ATXN7: variants seen among roughly 807,000 people sequenced by gnomAD.
The protein encoded by ATXN7 is ataxin 7.
ATXN7 carries 12 observed loss-of-function variants against 70.5 expected under a neutral mutation model. The observed-to-expected ratio is 0.17, with a 90% CI of 0.11 to 0.28. ATXN7 has a LOEUF of 0.28. Ranked by LOEUF, ATXN7 falls within the 10% of genes least tolerant of loss-of-function variation. The probability of loss-of-function intolerance (pLI) is 1.00; values close to 1 mark genes in which losing one functional copy is unlikely to be tolerated. For missense variants in ATXN7, 1,256 were observed against 1,131.7 expected (o/e 1.11, Z -1.58); for synonymous variants, 498 against 448.7 (o/e 1.11, Z -1.39).
intron 5 of ATXN7, among the ~76,000 whole-genome samples, chr3:63,964,151 A>T (rs1321786888): frequency 1.3e-5 from 2 of 152,164 alleles, no homozygotes; most frequent in South Asian, 2.1e-4. Context: ...TCAAACAACC[A>T]CAAGTCTAGT....
chr3:63,878,612 C>G (rs1330831013), intron 1 of ATXN7: 1 of 152,174 alleles, frequency 6.6e-6, no homozygotes, highest in Non-Finnish European at 1.5e-5. Context: ...GTTTAAGAGA[C>G]TTTAAATGAA....
At position 63,963,157 on chromosome 3, in the gene ATXN7, C is replaced by T. The variant is rs939557276; in HGVS notation, c.499+10674C>T. Among the ~76,000 whole-genome samples, 14 of 152,168 alleles carry T rather than the reference C, an allele frequency of 9.2e-5. 1 individual carries two copies. The highest frequency in any genetic ancestry group is 8.5e-4 in the Admixed American group (13 of 15,270). ...TCTCAAACTCCTGGGCTGAAGCAAT[C>T]CACCTGCCTCTGCCTCCTGAAGTGC... On this transcript the variant is annotated intron_variant, in intron 5 of 12. Coordinates refer to ENST00000674280, the MANE Select transcript of ATXN7 (RefSeq NM_001377405.1).
At chr3:63,926,379 G>C (rs572113987) in intron 4 of ATXN7, among the ~76,000 whole-genome samples, 1 of 152,166 alleles carries the variant, frequency 6.6e-6, no homozygotes, top group Non-Finnish European at 1.5e-5. Context: ...TTTCTGAGTC[G>C]TGACTTGTAG....
intron 4 of ATXN7, among the ~76,000 whole-genome samples, chr3:63,928,405 ATT>A (rs34342677): frequency 2.2e-4 from 33 of 149,982 alleles, no homozygotes; most frequent in African/African-American, 6.3e-4. Flanking sequence ...TTGCATACCC[ATT>A]TTTTTTTTTG....
intron 4 of ATXN7, among the ~76,000 whole-genome samples, chr3:63,926,779 G>GT (rs375000769): frequency 1.5e-4 from 23 of 151,826 alleles, no homozygotes; most frequent in South Asian, 4.2e-4. Flanking sequence ...AAGTGTCACC[G>GT]TTTTTTTTAA....
chr3:63,905,637 T>C (rs1279912599), intron 2 of ATXN7: 3 of 152,092 alleles, frequency 2.0e-5, no homozygotes, highest in Non-Finnish European at 2.9e-5. Context: ...TTTTTGAAAA[T>C]ACCGGTTTTC....
chr3:63,883,072 A>G lies in ATXN7; in HGVS notation c.-110-15327A>G, dbSNP rs575959834. Among the ~76,000 whole-genome samples, 5 of 152,310 alleles carry G rather than the reference A, an allele frequency of 3.3e-5. No homozygotes were observed. The South Asian group carries it at 8.3e-4, about 25-fold the overall frequency. ...CACCAAAACTTGTTGAGCCTTCAGC[A>G]TTGTAAAGGCTTGGCTTACCTTCCA... is the stretch of plus-strand genomic sequence containing the variant. On this transcript the variant is annotated intron_variant, in intron 1 of 12. Coordinates refer to ENST00000674280, the MANE Select transcript of ATXN7 (RefSeq NM_001377405.1).
intron 12 of ATXN7, chr3:63,998,794 G>C (rs2075800704): frequency 1.5e-6 from 1 of 680,754 alleles, no homozygotes; most frequent in Non-Finnish European, 1.8e-6. Context: ...GAATGCTGCT[G>C]TTACAAAAGT....
At chr3:63,870,462 A>G (rs973220917) in intron 1 of ATXN7, among the ~76,000 whole-genome samples, 6 of 152,186 alleles carry the variant, frequency 3.9e-5, no homozygotes, top group African/African-American at 1.4e-4. Context: ...TGCTTTTGGT[A>G]TGGCAGTTTG....
chr3:63,888,256 TTTTTA>T (rs1175033422), intron 1 of ATXN7, among the ~76,000 whole-genome samples: 1 of 152,196 alleles, frequency 6.6e-6, no homozygotes, highest in African/African-American at 2.4e-5. Flanking sequence ...ATTTTTTAAC[TTTTTA>T]TTTTGAGATA....
intron 5 of ATXN7, among the ~76,000 whole-genome samples, chr3:63,965,382 AC>A (rs1211863054): frequency 1.3e-5 from 2 of 152,106 alleles, no homozygotes; most frequent in African/African-American, 4.8e-5. Context: ...TGCCCCCTGA[AC>A]CCAAACCTTG....
At chr3:63,879,139 TA>T (rs1702833305) in intron 1 of ATXN7, among the ~76,000 whole-genome samples, 1 of 152,184 alleles carries the variant, frequency 6.6e-6, no homozygotes, top group Non-Finnish European at 1.5e-5. Context: ...AATCCCAAAA[TA>T]AACCTTAAAG....
At chr3:63,948,045 G>A (rs1262842772) in intron 4 of ATXN7, among the ~76,000 whole-genome samples, 4 of 152,300 alleles carry the variant, frequency 2.6e-5, no homozygotes, top group Admixed American at 2.0e-4. Flanking sequence ...GGGGAGTGAT[G>A]TGATCTGGTG....
At chr3:63,913,355 A>AGGAG in intron 4 of ATXN7, 130 bp downstream of exon 4, 4 of 986,272 alleles carry the variant, frequency 4.1e-6, no homozygotes, top group East Asian at 5.2e-5. Context: ...ATGCTGCCTG[A>AGGAG]GGAGGGAGGG....
intron 5 of ATXN7, among the ~76,000 whole-genome samples, chr3:63,962,987 C>G (rs111757060): frequency 5.1e-4 from 76 of 149,228 alleles, no homozygotes; most frequent in African/African-American, 1.8e-3. Context: ...GTGATCTTGG[C>G]TCACTGTAAC....
At chr3:63,984,064 C>A (rs1022715284) in intron 8 of ATXN7, among the ~76,000 whole-genome samples, 5 of 152,132 alleles carry the variant, frequency 3.3e-5, no homozygotes, top group Non-Finnish European at 5.9e-5. Context: ...AGGCATGTTA[C>A]AGTCTTCTGG....
In ATXN7 at chr3:63,982,404, A is replaced by G; in HGVS notation, c.971A>G (p.Asp324Gly). The change falls in exon 7 of 13, where the codon GAC (aspartate) becomes GGC (glycine). Residue 324 changes from aspartate to glycine, a missense_variant. Transcript: ENST00000674280. ...APPTLEKKPEDNSNNRKFLNK... is the reference protein window; with the variant it reads ...APPTLEKKPEGNSNNRKFLNK... ...CCCACTCTGGAAAAGAAACCTGAAG[A>G]CAATTCCAATAATAGGAAATTTTTA... The G allele has an allele frequency of 1.2e-6, 2 of 1,612,864 alleles. No individual in the cohort carries two copies. The highest frequency in any genetic ancestry group is 8.5e-7 in the Non-Finnish European group (1 of 1,178,958).
intron 4 of ATXN7, among the ~76,000 whole-genome samples, chr3:63,926,943 G>C (rs1212241762): frequency 6.6e-6 from 1 of 152,112 alleles, no homozygotes; most frequent in Non-Finnish European, 1.5e-5. Flanking sequence ...GTGTTAGTTG[G>C]CTAAGACTGA....
chr3:63,888,617 A>G (rs1346533202), intron 1 of ATXN7, among the ~76,000 whole-genome samples: 3 of 152,074 alleles, frequency 2.0e-5, no homozygotes, highest in Admixed American at 2.0e-4. Flanking sequence ...TCTCTACTAA[A>G]AATACAAAAA....
Sources: allele counts gnomAD v4.1 joint callset (sites outside exome capture counted in the v4.1 genomes callset), GRCh38; gene constraint gnomAD v4.1.1; transcripts MANE v1.5; gene names NCBI Gene and HGNC (gene_info 2026-07-23, HGNC 2026-07-21).